Variants in GALK2 observed in about 807,000 individuals in gnomAD.
The protein encoded by GALK2 is N-acetylgalactosamine kinase.
In GALK2, 36 loss-of-function variants were observed where a neutral mutation model predicts 52.4. The ratio of observed to expected loss-of-function variants is 0.69; its 90% CI spans 0.53 to 0.91. GALK2 has a LOEUF of 0.91. GALK2 is among the 40% of genes least tolerant of loss of function. The pLI is 0.00. For missense variants in GALK2, 579 were observed against 559.1 expected (o/e 1.04, Z -0.36); for synonymous variants, 176 against 199.1 (o/e 0.88, Z 0.98).
At chr15:49,276,306 TTGTGTGTTTG>T (rs2031650196) in intron 5 of GALK2, among the ~76,000 whole-genome samples, 2 of 138,114 alleles carry the variant, frequency 1.4e-5, no homozygotes, top group South Asian at 4.8e-4. Flanking sequence ...GGTTTTCAGG[TTGTGTGTTTG>T]TGTTTGTGGG....
intron 1 of GALK2, among the ~76,000 whole-genome samples, chr15:49,160,328 A>G (rs143705058): frequency 1.4e-3 from 212 of 152,294 alleles, no homozygotes; most frequent in African/African-American, 4.7e-3. Context: ...TATCCAGTCT[A>G]TATTCAAAAT....
chr15:49,246,880 C>T (rs2091377271), intron 5 of GALK2, among the ~76,000 whole-genome samples: 1 of 152,080 alleles, frequency 6.6e-6, no homozygotes, highest in Non-Finnish European at 1.5e-5. Context: ...ATATGCCATG[C>T]GTTGTTCTAG....
intron 3 of GALK2, among the ~76,000 whole-genome samples, chr15:49,232,399 A>T (rs185387015): frequency 1.3e-5 from 2 of 152,100 alleles, no homozygotes; most frequent in African/African-American, 4.8e-5. Flanking sequence ...TTAGACCTAC[A>T]TGCCTGTGAT....
intron 1 of GALK2, among the ~76,000 whole-genome samples, chr15:49,182,080 A>C (rs2086013432): frequency 6.6e-6 from 1 of 152,180 alleles, no homozygotes; most frequent in African/African-American, 2.4e-5. Context: ...GTCAAATAGT[A>C]GATCTTATTC....
At chr15:49,345,199 T>TATTGGTATATA (rs1291247190) in intron 3 of GALK2, among the ~76,000 whole-genome samples, 1 of 152,226 alleles carries the variant, frequency 6.6e-6, no homozygotes, top group African/African-American at 2.4e-5. Flanking sequence ...TATTATATAC[T>TATTGGTATATA]ATTGGTATTG....
intron 5 of GALK2, among the ~76,000 whole-genome samples, chr15:49,259,435 T>C (rs1595866241): frequency 1.4e-5 from 2 of 147,830 alleles, no homozygotes; most frequent in African/African-American, 5.0e-5. Context: ...TGAGAATATG[T>C]GGTGTTTGGT....
chr15:49,358,183 A>G (rs2043514572), intron 3 of GALK2, among the ~76,000 whole-genome samples: 1 of 151,642 alleles, frequency 6.6e-6, no homozygotes, highest in South Asian at 2.1e-4. Context: ...GGCACAAGAC[A>G]GGGATGCCCT....
chr15:49,352,727 C>T (rs543858302), intron 3 of GALK2, among the ~76,000 whole-genome samples: 4 of 152,132 alleles, frequency 2.6e-5, no homozygotes, highest in Non-Finnish European at 4.4e-5. Flanking sequence ...GTCATCACAG[C>T]GCACTTCAAG....
chr15:49,329,566 C>T lies in GALK2; in HGVS notation c.*1407C>T. ...AAGGATAACAGTCATACATAGAATA[C>T]TAGGAAAGCCAATATTCTATTTAAA... On this transcript the variant is annotated 3_prime_UTR_variant, in exon 10 of 10. Coordinates refer to ENST00000560031, the MANE Select transcript of GALK2 (RefSeq NM_002044.4). 1 of 983,940 alleles carries T rather than the reference C, an allele frequency of 1.0e-6. No individual in the cohort carries two copies. Among genetic ancestry groups the T allele is most frequent in the Non-Finnish European group, 1.2e-6 (1 of 828,676 alleles). 61.0% of individuals were successfully genotyped at this position (983,940 alleles called of 1,614,324 possible).
intron 3 of GALK2, among the ~76,000 whole-genome samples, chr15:49,222,805 T>G (rs1018037895): frequency 1.3e-5 from 2 of 152,226 alleles, no homozygotes; most frequent in African/African-American, 4.8e-5. Flanking sequence ...GCAATTTTGT[T>G]GAAGATTTTT....
chr15:49,269,276 A>C (rs2029991550), intron 5 of GALK2, among the ~76,000 whole-genome samples: 1 of 152,200 alleles, frequency 6.6e-6, no homozygotes, highest in Non-Finnish European at 1.5e-5. Context: ...GATCAAATGA[A>C]TCTGCCCCTG....
intron 1 of GALK2, among the ~76,000 whole-genome samples, chr15:49,158,575 A>G (rs1371789858): frequency 2.0e-5 from 3 of 152,232 alleles, no homozygotes; most frequent in Non-Finnish European, 4.4e-5. Context: ...TTGTGTGGTT[A>G]GGCAGCTGTT....
chr15:49,335,422 C>T (rs748894215), downstream of GALK2: 25 of 1,602,602 alleles, frequency 1.6e-5, 1 homozygote, highest in Middle Eastern at 6.6e-4. Context: ...AACTTACATC[C>T]TAAAATCCTT....
At chr15:49,361,301 A>G (rs1189642517) in intron 3 of GALK2, among the ~76,000 whole-genome samples, 1 of 152,112 alleles carries the variant, frequency 6.6e-6, no homozygotes, top group Non-Finnish European at 1.5e-5. Flanking sequence ...TTACATAGGT[A>G]AATTGATGTT....
chr15:49,277,558 G>A (rs2032008043), intron 5 of GALK2, among the ~76,000 whole-genome samples: 1 of 149,118 alleles, frequency 6.7e-6, no homozygotes, highest in African/African-American at 2.5e-5. Context: ...AGCACTTTGG[G>A]AGGCCGAGGC....
intron 2 of GALK2, among the ~76,000 whole-genome samples, chr15:49,214,425 G>C (rs2089207990): frequency 2.0e-5 from 3 of 148,818 alleles, no homozygotes; most frequent in Admixed American, 1.3e-4. Flanking sequence ...CTGCCTCCCG[G>C]GTTCAAGCGA....
chr15:49,210,524 C>T (rs2088759162), intron 2 of GALK2, among the ~76,000 whole-genome samples: 1 of 151,926 alleles, frequency 6.6e-6, no homozygotes, highest in South Asian at 2.1e-4. Flanking sequence ...ACTGCAATGT[C>T]TGCCTCCCAG....
rs1027582590 is a variant in GALK2, at chr15:49,308,428, C to T, written c.968-11176C>T. Among the ~76,000 whole-genome samples, 23 of 152,176 alleles carry T rather than the reference C, an allele frequency of 1.5e-4. 1 individual carries two copies. Among genetic ancestry groups the T allele is most frequent in the Non-Finnish European group, 2.6e-4 (18 of 68,046 alleles). On this transcript the variant is annotated intron_variant, in intron 8 of 9. Transcript: ENST00000560031. ...GAAAGTCTCAGAAAGATTAATTATA[C>T]ACGTACATGATAAAGATTTCCAGTT...
At position 49,198,633 on chromosome 15, in the gene GALK2, G is replaced by T. The variant is rs187067878; in HGVS notation, c.54-2529G>T. Reference sequence around the variant, plus strand: ...AATCATTGCTTTGTCAGTTTTTTTGGTATCTTTTAACTTTTACCTCTTGCC... The same window carrying T: ...AATCATTGCTTTGTCAGTTTTTTTGTTATCTTTTAACTTTTACCTCTTGCC... On this transcript the variant is annotated intron_variant, in intron 1 of 9. Transcript: ENST00000560031. Among the ~76,000 whole-genome samples the T allele has an allele frequency of 3.0e-3, 451 of 151,896 alleles. 5 individuals carry two copies. The highest frequency in any genetic ancestry group is 0.01 in the African/African-American group (427 of 41,412).
Sources: gnomAD v4.1 joint callset for allele counts (sites outside exome capture counted in the v4.1 genomes callset) on GRCh38, gnomAD v4.1.1 for gene constraint, MANE v1.5 for transcripts, NCBI Gene and HGNC (gene_info 2026-07-23, HGNC 2026-07-21) for gene names.